Variants in ROBO2 observed in about 807,000 individuals in gnomAD.
The protein encoded by ROBO2 is roundabout homolog 2.
Under a neutral mutation model 160.8 loss-of-function variants are expected in ROBO2, and 53 were observed. That is an observed-to-expected ratio of 0.33 (90% CI 0.26 to 0.41). The LOEUF is 0.41. ROBO2 is among the 10% of genes least tolerant of loss of function. The pLI is 1.00. For synonymous variants in ROBO2, 664 were observed against 611.7 expected, an observed-to-expected ratio of 1.09 and a Z score of -1.26; for missense variants, 1,577 against 1,722.4, an observed-to-expected ratio of 0.92 and a Z score of 1.49.
At chr3:77,164,534 TG>T (rs1230653234) in intron 2 of ROBO2, among the ~76,000 whole-genome samples, 2 of 110,424 alleles carry the variant, frequency 1.8e-5, no homozygotes, top group East Asian at 3.1e-4. Context: ...GGGAGGGAGG[TG>T]GGGGGGTCAG....
chr3:77,222,278 C>T (rs915940538), intron 2 of ROBO2, among the ~76,000 whole-genome samples: 3 of 152,134 alleles, frequency 2.0e-5, no homozygotes, highest in African/African-American at 7.2e-5. Context: ...TAGAAATATA[C>T]TACATTGTCA....
At chr3:76,619,528 A>G (rs2088890779) in intron 2 of ROBO2, among the ~76,000 whole-genome samples, 1 of 152,202 alleles carries the variant, frequency 6.6e-6, no homozygotes, top group African/African-American at 2.4e-5. Context: ...GTCATTCATG[A>G]GCACTGCCAT....
chr3:76,518,927 G>A (rs901874352), intron 2 of ROBO2, among the ~76,000 whole-genome samples: 20 of 152,120 alleles, frequency 1.3e-4, no homozygotes, highest in Non-Finnish European at 1.5e-4. Flanking sequence ...GAAGGAGAAA[G>A]ACGTACAAAC....
At chr3:76,393,169 A>AAGCTTG (rs2077241436) in intron 2 of ROBO2, among the ~76,000 whole-genome samples, 1 of 152,160 alleles carries the variant, frequency 6.6e-6, no homozygotes, top group South Asian at 2.1e-4. Context: ...TTAAAAATAC[A>AAGCTTG]GATGTCCAGG....
At chr3:76,704,086 A>G (rs996639703) in intron 2 of ROBO2, among the ~76,000 whole-genome samples, 3 of 151,906 alleles carry the variant, frequency 2.0e-5, no homozygotes, top group Admixed American at 6.6e-5. Flanking sequence ...ATCAACTTCT[A>G]ACAACTTATT....
At chr3:76,230,093 A>T (rs2107464749) in intron 2 of ROBO2, among the ~76,000 whole-genome samples, 1 of 152,292 alleles carries the variant, frequency 6.6e-6, no homozygotes, top group Middle Eastern at 3.4e-3. Flanking sequence ...TGATGCCATC[A>T]GGTGTCAGCT....
At chr3:76,748,600 A>G (rs1309619797) in intron 2 of ROBO2, among the ~76,000 whole-genome samples, 1 of 151,734 alleles carries the variant, frequency 6.6e-6, no homozygotes, top group African/African-American at 2.4e-5. Flanking sequence ...ATTAATATGG[A>G]AGTAATTTAA....
chr3:76,644,262 G>T (rs929665383), intron 2 of ROBO2, among the ~76,000 whole-genome samples: 1 of 152,108 alleles, frequency 6.6e-6, no homozygotes, highest in Non-Finnish European at 1.5e-5. Context: ...CATTTGAAAA[G>T]CAAGTGGTGT....
chr3:76,260,870 G>A (rs1160518601), intron 2 of ROBO2, among the ~76,000 whole-genome samples: 2 of 151,918 alleles, frequency 1.3e-5, no homozygotes, highest in African/African-American at 4.8e-5. Flanking sequence ...AAACCTGAAT[G>A]GTCCACTAGA....
intron 2 of ROBO2, among the ~76,000 whole-genome samples, chr3:76,889,128 A>G (rs1054514430): frequency 1.3e-5 from 2 of 152,176 alleles, no homozygotes; most frequent in African/African-American, 2.4e-5. Flanking sequence ...GACTGATGAT[A>G]GTTGTTGAGA....
intron 2 of ROBO2, among the ~76,000 whole-genome samples, chr3:76,345,585 T>A (rs1032321264): frequency 6.6e-6 from 1 of 151,790 alleles, no homozygotes; most frequent in Non-Finnish European, 1.5e-5. Flanking sequence ...TTTTCCCTGA[T>A]TTTTTTAACC....
chr3:77,646,177 C>A, exon 26 of ROBO2: 2 of 635,344 alleles, frequency 3.1e-6, no homozygotes, highest in Non-Finnish European at 5.2e-6. Flanking sequence ...ACTGTAAATG[C>A]AATGTAAAGA....
At chr3:76,459,263 T>G (rs2077953504) in intron 2 of ROBO2, among the ~76,000 whole-genome samples, 1 of 152,132 alleles carries the variant, frequency 6.6e-6, no homozygotes. Context: ...ATTTTCCATA[T>G]CCTAGTGATA....
At chr3:76,191,563 C>A (rs1240176049) in intron 2 of ROBO2, among the ~76,000 whole-genome samples, 1 of 151,952 alleles carries the variant, frequency 6.6e-6, no homozygotes, top group East Asian at 1.9e-4. Flanking sequence ...TCAGTATATT[C>A]TTCTTTTTTA....
At chr3:75,932,054 G>T (rs114456621) in intron 1 of ROBO2, among the ~76,000 whole-genome samples, 190 of 152,224 alleles carry the variant, frequency 1.2e-3, no homozygotes, top group Admixed American at 2.1e-3. Flanking sequence ...ATGGGCCAGG[G>T]TATATAGTCT....
chr3:77,301,468 A>G (rs1314323394), intron 2 of ROBO2, among the ~76,000 whole-genome samples: 1 of 152,304 alleles, frequency 6.6e-6, no homozygotes, highest in East Asian at 1.9e-4. Context: ...ATATGCATGT[A>G]TTACACCAAA....
rs1017018183 is a variant in ROBO2, at chr3:77,159,436, T to G, written c.388+61096T>G. ...TTAGCAGGTTCCCTGATACACCTAA[T>G]GTAGATGTGGCAGTAGTCCTTGCAG... On this transcript the variant is annotated intron_variant, in intron 2 of 25. Coordinates refer to ENST00000461745, the Ensembl canonical transcript of ROBO2. 2.6e-5 allele frequency among the ~76,000 whole-genome samples: 4 copies of G among 152,142 alleles called. No homozygotes were observed. In the East Asian group the frequency reaches 7.7e-4, roughly 29 times the overall value.
In ROBO2 at chr3:76,355,157, C is replaced by T. The variant is rs1502542; in HGVS notation, c.109+417555C>T. ...AGTTTCTGTCTTATTTTAAGCAAAC[C>T]GCCACACATTTTAATCAGTATTAAA... On this transcript the variant is annotated intron_variant, in intron 2 of 26. Coordinates refer to the ROBO2 transcript ENST00000487694. Among the ~76,000 whole-genome samples the T allele has an allele frequency of 9.0e-3, 1,367 of 151,410 alleles. 12 individuals are homozygous for T. The highest frequency in any genetic ancestry group is 0.026 in the Admixed American group (393 of 15,130).
At chr3:76,505,863 GAA>G (rs1283876509) in intron 2 of ROBO2, among the ~76,000 whole-genome samples, 1 of 152,074 alleles carries the variant, frequency 6.6e-6, no homozygotes, top group African/African-American at 2.4e-5. Flanking sequence ...ATCCATAAAA[GAA>G]AGAGTCACAA....
Sources: gnomAD v4.1 joint callset for allele counts (sites outside exome capture counted in the v4.1 genomes callset) on GRCh38, gnomAD v4.1.1 for gene constraint, MANE v1.5 for transcripts, NCBI Gene and HGNC (gene_info 2026-07-23, HGNC 2026-07-21) for gene names.